VPS37A: variants seen among roughly 807,000 people sequenced by gnomAD.
The protein encoded by VPS37A is vacuolar protein sorting-associated protein 37A.
Under a neutral mutation model 49.8 loss-of-function variants are expected in VPS37A, and 30 were observed. The observed-to-expected ratio is 0.60, with a 90% CI of 0.45 to 0.82. The LOEUF is 0.82. Among genes scored for constraint, VPS37A ranks in the 40% least tolerant of loss-of-function variants. The pLI is 0.00. For missense variants in VPS37A, 593 were observed against 464.4 expected (o/e 1.28, Z -2.55); for synonymous variants, 195 against 160.6 (o/e 1.21, Z -1.62).
At chr8:17,316,906 G>T in the VPS37A span, among the ~76,000 whole-genome samples, 3 of 152,090 alleles carry the variant, frequency 2.0e-5, no homozygotes, top group Non-Finnish European at 4.4e-5. Flanking sequence ...GGATACTGAG[G>T]GATGACTCTA....
intron 9 of VPS37A, among the ~76,000 whole-genome samples, chr8:17,281,635 G>C (rs550342505): frequency 6.6e-6 from 1 of 152,046 alleles, no homozygotes; most frequent in South Asian, 2.1e-4. Context: ...GGGAGGTTTT[G>C]AGTACTGCAA....
At chr8:17,280,496 G>C in intron 9 of VPS37A, 53 bp downstream of exon 9, 1 of 1,484,632 alleles carries the variant, frequency 6.7e-7, no homozygotes, top group Non-Finnish European at 9.1e-7. Context: ...TTAATCTTAT[G>C]TGCATGAGTC....
At chr8:17,274,379 C>T (rs1490989191) in intron 4 of VPS37A, among the ~76,000 whole-genome samples, 1 of 152,166 alleles carries the variant, frequency 6.6e-6, no homozygotes, top group Non-Finnish European at 1.5e-5. Flanking sequence ...TTAAATATTG[C>T]TCTGCATTCC....
chr8:17,325,890 G>A, the VPS37A span, among the ~76,000 whole-genome samples: 18 of 152,256 alleles, frequency 1.2e-4, no homozygotes, highest in Admixed American at 1.0e-3. Context: ...GCCCATCAAC[G>A]TATCCATTTC....
chr8:17,291,426 A>G (rs566970303), intron 11 of VPS37A, among the ~76,000 whole-genome samples: 2 of 137,488 alleles, frequency 1.5e-5, no homozygotes, highest in Non-Finnish European at 1.5e-5. Context: ...TGCTGGATTC[A>G]TTGATTTTTT....
At chr8:17,251,868 G>C (rs1812011294) in intron 1 of VPS37A, among the ~76,000 whole-genome samples, 1 of 152,122 alleles carries the variant, frequency 6.6e-6, no homozygotes, top group Non-Finnish European at 1.5e-5. Context: ...ACTTCTTGTA[G>C]AGTCAGCTCT....
chr8:17,309,231 A>C, the VPS37A span: 3 of 1,225,468 alleles, frequency 2.4e-6, no homozygotes, highest in Non-Finnish European at 3.5e-6. Flanking sequence ...TTTCAGAAAC[A>C]GTGCTTTTAT....
At chr8:17,256,047 C>CTA (rs1812415423) in intron 1 of VPS37A, among the ~76,000 whole-genome samples, 6 of 151,810 alleles carry the variant, frequency 4.0e-5, no homozygotes, top group Non-Finnish European at 7.4e-5. Flanking sequence ...TGGCAATATA[C>CTA]CCAGTAGCAG....
At chr8:17,331,552 C>T in the VPS37A span, among the ~76,000 whole-genome samples, 8 of 152,334 alleles carry the variant, frequency 5.3e-5, no homozygotes, top group East Asian at 1.3e-3. Flanking sequence ...GGAGATGTCA[C>T]TTGCAGTCCC....
chr8:17,254,151 A>T lies in VPS37A; in HGVS notation c.125+6782A>T, dbSNP rs1585921998. Among the ~76,000 whole-genome samples the T allele has an allele frequency of 2.0e-5, 3 of 151,854 alleles. No homozygotes were observed. In the South Asian group the frequency reaches 6.2e-4, roughly 31 times the overall value. ...ACCTTTATGACGTTCTCGTTTCTGT[A>T]TTTGAGCTTCCCTGTTGACTTGTTT... On this transcript the variant is annotated intron_variant, in intron 1 of 11. Coordinates refer to ENST00000324849, the MANE Select transcript of VPS37A (RefSeq NM_152415.3).
At chr8:17,304,397 G>T, downstream of VPS37A, 11 of 1,612,904 alleles carry the variant, frequency 6.8e-6, no homozygotes, top group Non-Finnish European at 9.3e-6. Flanking sequence ...GAAGTTACAT[G>T]GTGTTGTAGG....
intron 1 of VPS37A, chr8:17,247,837 G>A (rs1421358848): frequency 4.3e-6 from 3 of 692,832 alleles, no homozygotes; most frequent in Non-Finnish European, 7.9e-6. Flanking sequence ...TTTCATCAGT[G>A]AATGCTTCTC....
intron 1 of VPS37A, 62 bp from the exon 2 acceptor site, chr8:17,265,845 T>C (rs568612248): frequency 3.1e-6 from 5 of 1,611,204 alleles, no homozygotes; most frequent in East Asian, 4.5e-5. Context: ...GCACTTAACA[T>C]TGGTTTTTAA....
chr8:17,252,890 G>C (rs1005961465), intron 1 of VPS37A, among the ~76,000 whole-genome samples: 2 of 152,180 alleles, frequency 1.3e-5, no homozygotes. Context: ...TTTTGACTGT[G>C]TAAATGCACT....
chr8:17,286,934 A>T (rs1341251138), intron 11 of VPS37A, among the ~76,000 whole-genome samples: 9 of 152,254 alleles, frequency 5.9e-5, no homozygotes, highest in Admixed American at 5.9e-4. Flanking sequence ...GCTCTACTCC[A>T]GAACCTGTAA....
downstream of VPS37A, chr8:17,298,986 T>TTCAC (rs1325126415): frequency 6.6e-6 from 1 of 152,194 alleles, no homozygotes; most frequent in African/African-American, 2.4e-5. Context: ...AAACTGGATT[T>TTCAC]TCACTCACAG....
At chr8:17,331,986 G>A in the VPS37A span, among the ~76,000 whole-genome samples, 7 of 152,196 alleles carry the variant, frequency 4.6e-5, no homozygotes, top group African/African-American at 1.7e-4. Context: ...GGTATCTGAA[G>A]AAGTTTATTA....
intron 9 of VPS37A, among the ~76,000 whole-genome samples, chr8:17,283,504 G>C (rs1360088105): frequency 2.0e-5 from 3 of 152,146 alleles, no homozygotes; most frequent in Non-Finnish European, 4.4e-5. Context: ...TTAGGTCTTT[G>C]ATCCATTTGG....
At chr8:17,314,136 C>T in the VPS37A span, among the ~76,000 whole-genome samples, 8 of 152,066 alleles carry the variant, frequency 5.3e-5, no homozygotes, top group East Asian at 5.8e-4. Context: ...TTTTATTTAA[C>T]GTAAAGCATT....
Sources: gnomAD v4.1 joint callset for allele counts (sites outside exome capture counted in the v4.1 genomes callset) on GRCh38, gnomAD v4.1.1 for gene constraint, MANE v1.5 for transcripts, NCBI Gene and HGNC (gene_info 2026-07-23, HGNC 2026-07-21) for gene names.